Variants in SEZ6L2 observed in about 807,000 individuals in gnomAD.
SEZ6L2 encodes the protein seizure 6-like protein 2.
Under a neutral mutation model 97.0 loss-of-function variants are expected in SEZ6L2, and 44 were observed. The observed-to-expected ratio is 0.45, with a 90% confidence interval of 0.36 to 0.58. The LOEUF is 0.58. Among genes scored for constraint, SEZ6L2 ranks in the 20% least tolerant of loss-of-function variants. The pLI is 0.00. For missense variants in SEZ6L2, 1,086 were observed against 1,233.3 expected (o/e 0.88, Z 1.79); for synonymous variants, 543 against 546.1 (o/e 0.99, Z 0.08).
chr16:29,897,462 C>T (rs867321389), intron 2 of SEZ6L2, among the ~76,000 whole-genome samples: 25 of 152,008 alleles, frequency 1.6e-4, no homozygotes, highest in African/African-American at 5.8e-4. Context: ...CTCTCGAACT[C>T]TTTATTTCCC....
intron 8 of SEZ6L2, among the ~76,000 whole-genome samples, chr16:29,882,501 C>G (rs1261992112): frequency 2.0e-5 from 3 of 150,762 alleles, no homozygotes; most frequent in African/African-American, 7.3e-5. Context: ...CACTTGAACC[C>G]GGAAGGCGGA....
Position 29,879,935 on chromosome 16 carries a change from C to T in SEZ6L2, c.1502G>A (p.Gly501Glu). 1 of 1,614,054 alleles carries T rather than the reference C, an allele frequency of 6.2e-7. No individual in the cohort carries two copies. Among genetic ancestry groups the T allele is most frequent in the Non-Finnish European group, 8.5e-7 (1 of 1,179,970 alleles). Residue 501 changes from glycine to glutamate, a missense_variant, in exon 9 of 18, where the codon GGG becomes GAG. By Grantham distance (98) the Gly-to-Glu change is moderately conservative. This residue lies in a region of SEZ6L2 where 776 missense variants were observed against 794.7 expected (regional missense o/e 0.98). Transcript: ENST00000617533. The part of the protein sequence containing the change: ...CLPGYALEPP[G>E]PPNAIECVDP... ...CACACATTCGATGGCATTGGGGGGC[C>T]CAGGGGGCTCCAGGGCATATCCTGG...
rs1199941070 is a variant in SEZ6L2 at position 29,895,351 on chromosome 16, C to A, written c.761G>T (p.Gly254Val). Reference protein sequence around the residue: ...LLANSSMLGEGQVLRSPTNRL... With the variant: ...LLANSSMLGEVQVLRSPTNRL... ...GTTGGTTGGGCTCCGAAGGACTTGT[C>A]CTTCTCCAAGCATGGATGAGTTGGC... The change falls in exon 5 of 18, where the codon GGA (glycine) becomes GTA (valine). Residue 254 changes from glycine (G) to valine (V), a missense_variant. By Grantham distance (109) the Gly-to-Val change is moderately radical. Transcript: ENST00000617533. The A allele has an allele frequency of 6.2e-7, 1 of 1,614,052 alleles. No homozygotes were observed. The highest frequency in any genetic ancestry group is 8.5e-7 in the Non-Finnish European group (1 of 1,180,046).
Position 29,876,722 on chromosome 16 carries a change from C to T in SEZ6L2, c.2104+34G>A, listed in dbSNP as rs367584430. ...GACGACGGGGCCCACAGGGAAGGGG[C>T]GGGGCCGAGGGGACGCGGGCGGGGC... On this transcript the variant is annotated intron_variant, in intron 12 of 17. Transcript: ENST00000617533. This position sits in a 1 kb window ranked among gnomAD's most constrained non-coding sequence, Gnocchi z 6.5. The T allele has an allele frequency of 1.3e-6, 2 of 1,486,800 alleles. No individual in the cohort carries two copies. The allele number at this position is 1,486,800 out of a possible 1,614,324, so 92.1% of individuals were successfully genotyped here.
chr16:29,894,674 C>T (rs1455933127), intron 5 of SEZ6L2, among the ~76,000 whole-genome samples: 5 of 152,166 alleles, frequency 3.3e-5, no homozygotes, highest in Admixed American at 1.3e-4. Flanking sequence ...GTTCATTCCT[C>T]CTTCAAGGCT....
rs184056093 is a variant in SEZ6L2 at position 29,897,064 on chromosome 16, G to A, written c.269C>T (p.Pro90Leu). The change falls in exon 3 of 18, where the codon CCC becomes CTC. Residue 90 changes from proline to leucine, a missense_variant. Pro to Leu is a moderately conservative substitution (Grantham distance 98). This residue lies in a region of SEZ6L2 where 776 missense variants were observed against 794.7 expected (regional missense o/e 0.98). Coordinates refer to ENST00000617533, the MANE Select transcript of SEZ6L2 (RefSeq NM_001243332.2). ...CGGCTCAGTGGCCCGTGGCAGGGAGGGCACTGCGAGAGTCTGGCCGGCCGG... is the reference window on the plus strand; with the variant it reads ...CGGCTCAGTGGCCCGTGGCAGGGAGAGCACTGCGAGAGTCTGGCCGGCCGG... Reference protein sequence around the residue: ...TPPAGQTLAVPSLPRATEPGT... With the variant: ...TPPAGQTLAVLSLPRATEPGT... 7,735 of 1,581,456 alleles carry A rather than the reference G, an allele frequency of 4.9e-3. 31 individuals carry two copies. The highest frequency in any genetic ancestry group is 8.5e-3 in the Middle Eastern group (46 of 5,386).
At chr16:29,885,880 C>A in intron 7 of SEZ6L2, 131 bp from the exon 8 acceptor site, 1 of 775,616 alleles carries the variant, frequency 1.3e-6, no homozygotes, top group South Asian at 2.2e-5. Flanking sequence ...CTCTTCTAAG[C>A]CCTTACACAT....
At chr16:29,875,917 C>T (rs2150781963) in intron 12 of SEZ6L2, among the ~76,000 whole-genome samples, 2 of 152,040 alleles carry the variant, frequency 1.3e-5, no homozygotes, top group South Asian at 4.1e-4. Context: ...CGCACCTGGC[C>T]CTTTCTGCTC....
In SEZ6L2 at chr16:29,888,623, C is replaced by T. The variant is rs2068199036; in HGVS notation, c.956G>A (p.Gly319Asp). The T allele has an allele frequency of 1.9e-6, 3 of 1,613,976 alleles. No homozygotes were observed. Among genetic ancestry groups the T allele is most frequent in the South Asian group, 2.2e-5 (2 of 91,078 alleles). The change falls in exon 6 of 18, where the codon GGC becomes GAC. Residue 319 changes from glycine to aspartate, a missense_variant. Coordinates refer to ENST00000617533, the MANE Select transcript of SEZ6L2 (RefSeq NM_001243332.2). Reference protein sequence around the residue: ...GGTATFHCDSGYQLQGEETLI... With the variant: ...GGTATFHCDSDYQLQGEETLI... ...GGTCTCCTCTCCCTGCAGCTGGTAG[C>T]CCGAATCACAGTGAAAGGTGGCAGT...
At position 29,899,122 on chromosome 16, in the gene SEZ6L2, T is replaced by C; in HGVS notation, c.-103A>G. ...TTTCCCTTTAATTGTTTTTTTTTTTTTTTTTTTTTTCCTCGTAGGAGTCAG... is the reference window on the plus strand; with the variant it reads ...TTTCCCTTTAATTGTTTTTTTTTTTCTTTTTTTTTTCCTCGTAGGAGTCAG... On this transcript the variant is annotated 5_prime_UTR_variant, in exon 1 of 18. Transcript: ENST00000617533. The C allele has an allele frequency of 1.1e-6, 1 of 876,678 alleles. No individual in the cohort carries two copies. The highest frequency in any genetic ancestry group is 1.7e-6 in the Non-Finnish European group (1 of 578,826). 54.3% of individuals were successfully genotyped at this position (876,678 alleles called of 1,614,324 possible).
rs748466580 is a variant in SEZ6L2 at position 29,888,704 on chromosome 16, A to G, written c.875T>C (p.Phe292Ser). Residue 292 changes from phenylalanine (F) to serine (S), a missense_variant, in exon 6 of 18, where the codon TTC (phenylalanine) becomes TCC (serine). By Grantham distance (155) the Phe-to-Ser change is radical (BLOSUM62 -2). This residue lies in a region of SEZ6L2 where 776 missense variants were observed against 794.7 expected (regional missense o/e 0.98). Coordinates refer to ENST00000617533, the MANE Select transcript of SEZ6L2 (RefSeq NM_001243332.2). ...GTCCCCATGGGCCGGCCGGGGAGGGAAGCCACAGCTCAGGAGGTAGGCTGC... is the reference window on the plus strand; with the variant it reads ...GTCCCCATGGGCCGGCCGGGGAGGGGAGCCACAGCTCAGGAGGTAGGCTGC... ...HYQAYLLSCGFPPRPAHGDVS... is the reference protein window; with the variant it reads ...HYQAYLLSCGSPPRPAHGDVS... 2.5e-5 allele frequency: 41 copies of G among 1,612,884 alleles called. No homozygotes were observed. Among genetic ancestry groups the G allele is most frequent in the Non-Finnish European group, 3.4e-5 (40 of 1,179,652 alleles).
chr16:29,872,694 C>T lies in SEZ6L2; in HGVS notation c.2527+11G>A. On this transcript the variant is annotated intron_variant, in intron 15 of 17. Coordinates refer to ENST00000617533, the MANE Select transcript of SEZ6L2 (RefSeq NM_001243332.2). ...TGGCCAGCCTGGGTCTCCACCTGTG[C>T]TCTCACTGACCTTCCAGTTTTCGGT... 6.2e-7 allele frequency: 1 copy of T among 1,613,210 alleles called. No homozygotes were observed. The highest frequency in any genetic ancestry group is 8.5e-7 in the Non-Finnish European group (1 of 1,179,686).
chr16:29,899,301 G>C lies in SEZ6L2; in HGVS notation c.-282C>G, dbSNP rs889723763. ...GGCTCCGGCTGCAGGGGGTGGGGCC[G>C]AGAGGGCCGAAGGGGCCGGGTGGCC... On this transcript the variant is annotated 5_prime_UTR_variant, in exon 1 of 18. Coordinates refer to ENST00000617533, the MANE Select transcript of SEZ6L2 (RefSeq NM_001243332.2). 2.4e-6 allele frequency: 1 copy of C among 424,344 alleles called. No homozygotes were observed. The highest frequency in any genetic ancestry group is 2.1e-5 in the African/African-American group (1 of 46,768). 26.3% of individuals were successfully genotyped at this position (424,344 alleles called of 1,614,324 possible). A position where few individuals can be genotyped will look rare whatever the true frequency, so the allele number is the denominator to read the frequency against.
At chr16:29,877,779 C>A (rs1185252757) in intron 10 of SEZ6L2, among the ~76,000 whole-genome samples, 1 of 152,216 alleles carries the variant, frequency 6.6e-6, no homozygotes, top group East Asian at 1.9e-4. Context: ...TAGCCCAACT[C>A]CAGCTCTGGC....
rs746483622 is a variant in SEZ6L2 at position 29,895,384 on chromosome 16, C to T, written c.728G>A (p.Arg243Gln). 8.1e-6 allele frequency: 13 copies of T among 1,613,880 alleles called. No individual in the cohort carries two copies. Among genetic ancestry groups the T allele is most frequent in the South Asian group, 4.4e-5 (4 of 91,078 alleles). Residue 243 changes from arginine (R) to glutamine (Q), a missense_variant, in exon 5 of 18, where the codon CGA becomes CAA. Physicochemically the swap from Arg to Gln is conservative, Grantham distance 43 (BLOSUM62 1). This residue lies in a region of SEZ6L2 where 776 missense variants were observed against 794.7 expected (regional missense o/e 0.98). Transcript: ENST00000617533. ...AAGCATGGATGAGTTGGCCAGGAGT[C>T]GGGGGGCCAGGCCTGGGGATCCCCC... ...AGGGSPGLAP[R>Q]LLANSSMLGE...
In SEZ6L2 at chr16:29,873,872, T is replaced by A. The variant is rs1013201662; in HGVS notation, c.2105-143A>T. Reference sequence around the variant, plus strand: ...TCCTGTGGTTCCAGCTACTCAGGAGTTGGAGGCGGGATGATCGCTCGAACC... The same window carrying A: ...TCCTGTGGTTCCAGCTACTCAGGAGATGGAGGCGGGATGATCGCTCGAACC... On this transcript the variant is annotated intron_variant, in intron 12 of 17. Coordinates refer to ENST00000617533, the MANE Select transcript of SEZ6L2 (RefSeq NM_001243332.2). The surrounding 1 kb of genome is among the most constrained non-coding windows in gnomAD (Gnocchi z 4.3). 4.1e-5 allele frequency: 30 copies of A among 740,380 alleles called. No homozygotes were observed. The highest frequency in any genetic ancestry group is 3.9e-4 in the Middle Eastern group (1 of 2,554). 45.9% of individuals were successfully genotyped at this position (740,380 alleles called of 1,614,324 possible).
At chr16:29,871,974 C>G (rs191813054) in intron 17 of SEZ6L2, among the ~76,000 whole-genome samples, 3 of 152,202 alleles carry the variant, frequency 2.0e-5, no homozygotes, top group African/African-American at 4.8e-5. Context: ...GGGGTAGAGC[C>G]GTATTCTTGA....
In SEZ6L2 at chr16:29,899,202, GGTCGCCTGGAGCCCACCCCCCTTTGCTCA is replaced by G; in HGVS notation, c.-212_-184del. 1 of 595,082 alleles carries G rather than the reference GGTCGCCTGGAGCCCACCCCCCTTTGCTCA, an allele frequency of 1.7e-6. No individual in the cohort carries two copies. Among genetic ancestry groups the G allele is most frequent in the Non-Finnish European group, 2.9e-6 (1 of 340,836 alleles). The allele number at this position is 595,082 out of a possible 1,614,324, so 36.9% of individuals were successfully genotyped here. A position where few individuals can be genotyped will look rare whatever the true frequency, so the allele number is the denominator to read the frequency against. Reference sequence around the variant, plus strand: ...GATGGAGGGGCAGAATTGGGCTAGGGGTCGCCTGGAGCCCACCCCCCTTTGCTCAGTCTCCTCTGTCCTCTTCTCGCGGC... The same window carrying G: ...GATGGAGGGGCAGAATTGGGCTAGGGGTCTCCTCTGTCCTCTTCTCGCGGC... On this transcript the variant is annotated 5_prime_UTR_variant, in exon 1 of 18. Coordinates refer to ENST00000617533, the MANE Select transcript of SEZ6L2 (RefSeq NM_001243332.2).
At chr16:29,896,754 C>T in intron 3 of SEZ6L2, 68 bp downstream of exon 3, 4 of 1,420,782 alleles carry the variant, frequency 2.8e-6, no homozygotes, top group Non-Finnish European at 2.9e-6. Flanking sequence ...CCAGCAGCCT[C>T]TCTCCCATCC....
Sources: gnomAD v4.1 joint callset for allele counts (sites outside exome capture counted in the v4.1 genomes callset) on GRCh38, gnomAD v4.1.1 for gene constraint, gnomAD v4.1.1 regional missense constraint, Gnocchi (gnomAD v3.1) non-coding constraint, MANE v1.5 for transcripts, NCBI Gene and HGNC (gene_info 2026-07-23, HGNC 2026-07-21) for gene names.